The following TMEM74 variants were observed in gnomAD, a reference collection of about 807,000 sequenced individuals.
TMEM74 encodes transmembrane protein 74.
A neutral mutation model predicts 18.1 loss-of-function variants in TMEM74; 13 were observed. The ratio of observed to expected loss-of-function variants is 0.72; its 90% CI spans 0.47 to 1.14. The LOEUF (loss-of-function observed/expected upper bound fraction) is 1.14, where lower values mean the gene tolerates loss of function less well. Ranked by LOEUF, TMEM74 falls within the 50% of genes most tolerant of loss-of-function variation. The pLI is 0.00. For synonymous variants in TMEM74, 159 were observed against 146.6 expected, an observed-to-expected ratio of 1.08 and a Z score of -0.61; for missense variants, 372 against 375.9, an observed-to-expected ratio of 0.99 and a Z score of 0.09.
intron 1 of TMEM74, among the ~76,000 whole-genome samples, chr8:108,769,743 A>T (rs1814150525): frequency 6.6e-6 from 1 of 152,132 alleles, no homozygotes; most frequent in South Asian, 2.1e-4. Context: ...TAAGCCAAAG[A>T]GGAGCAATAT....
chr8:108,628,530 C>T (rs1003322547), intron 2 of TMEM74, among the ~76,000 whole-genome samples: 1 of 151,996 alleles, frequency 6.6e-6, no homozygotes, highest in African/African-American at 2.4e-5. Context: ...TCCAGTCTAT[C>T]ATTGATGAGC....
chr8:108,628,784 G>T (rs891068507), intron 2 of TMEM74, among the ~76,000 whole-genome samples: 10 of 151,740 alleles, frequency 6.6e-5, no homozygotes, highest in African/African-American at 2.2e-4. Context: ...CCACATCCTC[G>T]CCAGCATCTG....
At chr8:108,632,425 T>A (rs1448176751) in intron 2 of TMEM74, among the ~76,000 whole-genome samples, 3 of 152,016 alleles carry the variant, frequency 2.0e-5, no homozygotes, top group Non-Finnish European at 4.4e-5. Context: ...TTTCCATGTT[T>A]ACCAATGACA....
intron 1 of TMEM74, among the ~76,000 whole-genome samples, chr8:108,748,684 T>C (rs969805733): frequency 8.0e-5 from 10 of 124,606 alleles, no homozygotes; most frequent in Non-Finnish European, 1.4e-4. Context: ...TCTTCTAGGG[T>C]TTTTTTTTTT....
At chr8:108,646,572 T>C (rs1812722558) in intron 2 of TMEM74, among the ~76,000 whole-genome samples, 1 of 152,160 alleles carries the variant, frequency 6.6e-6, no homozygotes, top group African/African-American at 2.4e-5. Flanking sequence ...CTTACAGACT[T>C]GGAATTCAGA....
chr8:108,686,944 C>T (rs531180113), intron 1 of TMEM74, among the ~76,000 whole-genome samples: 1 of 152,012 alleles, frequency 6.6e-6, no homozygotes, highest in Non-Finnish European at 1.5e-5. Flanking sequence ...CAAAAAGACA[C>T]CTGCTAATTA....
intron 1 of TMEM74, among the ~76,000 whole-genome samples, chr8:108,659,167 G>T (rs1812875479): frequency 6.7e-6 from 1 of 150,186 alleles, no homozygotes; most frequent in Non-Finnish European, 1.5e-5. Context: ...CAAAACTAAA[G>T]ATAAGGACAA....
intron 1 of TMEM74, among the ~76,000 whole-genome samples, chr8:108,709,615 T>G (rs1159999512): frequency 6.6e-6 from 1 of 152,084 alleles, no homozygotes; most frequent in African/African-American, 2.4e-5. Flanking sequence ...TACAGAGTAG[T>G]GCCTATAGTT....
At chr8:108,706,854 A>G (rs1358351130) in intron 1 of TMEM74, among the ~76,000 whole-genome samples, 1 of 151,380 alleles carries the variant, frequency 6.6e-6, no homozygotes, top group Non-Finnish European at 1.5e-5. Flanking sequence ...ATTTTTGGTG[A>G]TATCCAAGAC....
chr8:108,616,850 G>C (rs542324013), intron 2 of TMEM74, among the ~76,000 whole-genome samples: 4 of 152,024 alleles, frequency 2.6e-5, no homozygotes, highest in African/African-American at 9.6e-5. Context: ...AAAATTCTGA[G>C]TGAATGATCC....
chr8:108,651,061 G>A (rs540611550), intron 2 of TMEM74, among the ~76,000 whole-genome samples: 12 of 151,952 alleles, frequency 7.9e-5, no homozygotes, highest in East Asian at 1.9e-4. Flanking sequence ...ACTCTACACC[G>A]TTCTGTATCT....
chr8:108,685,248 C>T (rs971179312), intron 1 of TMEM74, among the ~76,000 whole-genome samples: 10 of 151,896 alleles, frequency 6.6e-5, no homozygotes, highest in South Asian at 2.1e-4. Flanking sequence ...CTTTATTATT[C>T]GTGTATGGAA....
At chr8:108,701,651 A>G (rs1433145826) in intron 1 of TMEM74, among the ~76,000 whole-genome samples, 1 of 152,176 alleles carries the variant, frequency 6.6e-6, no homozygotes, top group Non-Finnish European at 1.5e-5. Flanking sequence ...AAAATAGCAC[A>G]CCCCAAAATG....
intron 2 of TMEM74, among the ~76,000 whole-genome samples, chr8:108,643,720 C>T (rs965534354): frequency 2.4e-4 from 36 of 150,508 alleles, no homozygotes; most frequent in South Asian, 1.5e-3. Flanking sequence ...AAAAAGAAAA[C>T]GAAAGCAAGA....
chr8:108,739,485 G>A (rs1013309284), intron 1 of TMEM74, among the ~76,000 whole-genome samples: 6 of 152,134 alleles, frequency 3.9e-5, no homozygotes, highest in East Asian at 1.9e-4. Flanking sequence ...TTACTTTATC[G>A]TTACTCTCAT....
At chr8:108,677,739 T>C (rs1813068996) in intron 1 of TMEM74, among the ~76,000 whole-genome samples, 3 of 152,112 alleles carry the variant, frequency 2.0e-5, no homozygotes, top group Admixed American at 2.0e-4. Flanking sequence ...GCAAAATCCA[T>C]CTTTCTGTAC....
chr8:108,665,129 G>A (rs1357676269), intron 1 of TMEM74, among the ~76,000 whole-genome samples: 1 of 151,986 alleles, frequency 6.6e-6, no homozygotes, highest in African/African-American at 2.4e-5. Context: ...GAATTACAGT[G>A]GAACAAGCCA....
chr8:108,697,880 T>G (rs1035490048), intron 1 of TMEM74, among the ~76,000 whole-genome samples: 1 of 152,182 alleles, frequency 6.6e-6, no homozygotes, highest in African/African-American at 2.4e-5. Context: ...ATTTTGCAAG[T>G]TTTTTCAAAG....
At chr8:108,690,386 T>G (rs377251624) in intron 1 of TMEM74, among the ~76,000 whole-genome samples, 9 of 91,234 alleles carry the variant, frequency 9.9e-5, no homozygotes, top group African/African-American at 2.1e-4. Context: ...TTTTTTTTTG[T>G]TTGTTTTTTT....
Sources: allele counts gnomAD v4.1 joint callset (sites outside exome capture counted in the v4.1 genomes callset), GRCh38; gene constraint gnomAD v4.1.1; transcripts MANE v1.5; gene names NCBI Gene and HGNC (gene_info 2026-07-23, HGNC 2026-07-21).